Variants in PTPRD observed in about 807,000 individuals in gnomAD.
The protein encoded by PTPRD is protein tyrosine phosphatase receptor type D.
Under a neutral mutation model 214.5 loss-of-function variants are expected in PTPRD, and 34 were observed. The observed-to-expected ratio is 0.16, with a 90% CI of 0.12 to 0.21. The LOEUF (loss-of-function observed/expected upper bound fraction) is 0.21. Among genes scored for constraint, PTPRD ranks in the 10% least tolerant of loss-of-function variants. PTPRD has a pLI of 1.00. For synonymous variants in PTPRD, 1,128 were observed against 845.7 expected (o/e 1.33, Z -5.79); for missense variants, 2,545 against 2,398.7 (o/e 1.06, Z -1.27).
chr9:9,385,796 C>G (rs2063690416), intron 9 of PTPRD, among the ~76,000 whole-genome samples: 1 of 152,130 alleles, frequency 6.6e-6, no homozygotes, highest in Non-Finnish European at 1.5e-5. Context: ...ATTCCGCTTT[C>G]CATTTGAAGA....
chr9:9,873,948 T>C (rs1298536320), intron 5 of PTPRD, among the ~76,000 whole-genome samples: 5 of 152,144 alleles, frequency 3.3e-5, no homozygotes, highest in African/African-American at 1.2e-4. Context: ...TAATAGTGTA[T>C]ATTATTATAT....
At chr9:8,573,354 G>T (rs543276397) in intron 14 of PTPRD, among the ~76,000 whole-genome samples, 1 of 151,992 alleles carries the variant, frequency 6.6e-6, no homozygotes, top group African/African-American at 2.4e-5. Flanking sequence ...GAAAAGATAG[G>T]CAAAGTAGTT....
intron 39 of PTPRD, among the ~76,000 whole-genome samples, chr9:8,367,166 T>G (rs2134168798): frequency 6.6e-6 from 1 of 152,322 alleles, no homozygotes; most frequent in South Asian, 2.1e-4. Flanking sequence ...AGGTTATAAT[T>G]AAAGTAAGTC....
chr9:8,974,857 G>C (rs983413953), intron 11 of PTPRD, among the ~76,000 whole-genome samples: 1 of 151,986 alleles, frequency 6.6e-6, no homozygotes, highest in Non-Finnish European at 1.5e-5. Flanking sequence ...AGCACTTTGG[G>C]AGGCTGAGGC....
At chr9:9,718,679 T>C (rs1402102713) in intron 7 of PTPRD, among the ~76,000 whole-genome samples, 1 of 152,172 alleles carries the variant, frequency 6.6e-6, no homozygotes, top group Non-Finnish European at 1.5e-5. Context: ...CATGTCCCAA[T>C]AGCTAAGCCC....
At chr9:10,122,086 T>A (rs1193214353) in intron 3 of PTPRD, among the ~76,000 whole-genome samples, 1 of 152,172 alleles carries the variant, frequency 6.6e-6, no homozygotes, top group East Asian at 1.9e-4. Flanking sequence ...GGCAGGTGGA[T>A]CACCTGAGGT....
chr9:8,381,926 G>A (rs7030727), intron 37 of PTPRD, among the ~76,000 whole-genome samples: 35,341 of 151,990 alleles, frequency 0.23, 6,601 homozygotes, highest in East Asian at 0.49. Context: ...CCTCTTTCTC[G>A]TGGCCAAGTA....
At chr9:10,093,403 T>C (rs72694844) in intron 3 of PTPRD, among the ~76,000 whole-genome samples, 1 of 151,360 alleles carries the variant, frequency 6.6e-6, no homozygotes, top group Non-Finnish European at 1.5e-5. Flanking sequence ...GACAGTTTCT[T>C]ATACTACCAG....
chr9:9,637,605 C>G (rs973978914), intron 7 of PTPRD, among the ~76,000 whole-genome samples: 1 of 152,192 alleles, frequency 6.6e-6, no homozygotes, highest in African/African-American at 2.4e-5. Context: ...TATGGCTTTT[C>G]TGGGTGCAGA....
At chr9:10,392,774 TC>T (rs1291778906) in intron 2 of PTPRD, among the ~76,000 whole-genome samples, 1 of 151,840 alleles carries the variant, frequency 6.6e-6, no homozygotes, top group East Asian at 1.9e-4. Context: ...GGAGGACCAT[TC>T]GGATGGAAGG....
At position 8,977,752 on chromosome 9, in the gene PTPRD, G is replaced by T. The variant is rs559345723; in HGVS notation, c.-104+40945C>A. Among the ~76,000 whole-genome samples, 57 of 150,958 alleles carry T rather than the reference G, an allele frequency of 3.8e-4. 1 individual carries two copies. The highest frequency in any genetic ancestry group is 1.3e-3 in the African/African-American group (53 of 41,106). On this transcript the variant is annotated intron_variant, in intron 11 of 45. Transcript: ENST00000381196. ...ACAACTTAGAGATAGAAAGTGAGGT[G>T]CCAAGGGCATATCTTGGAAGGAGAC... is the stretch of plus-strand genomic sequence containing the variant.
chr9:8,827,277 G>A (rs868768246), intron 11 of PTPRD, among the ~76,000 whole-genome samples: 5 of 150,924 alleles, frequency 3.3e-5, no homozygotes, highest in East Asian at 1.9e-4. Flanking sequence ...AAATAGATAC[G>A]TGACTCAACC....
intron 11 of PTPRD, among the ~76,000 whole-genome samples, chr9:8,912,673 C>G (rs552887328): frequency 1.3e-5 from 2 of 151,918 alleles, no homozygotes. Context: ...AAAGGTTTTA[C>G]TAAAAATAAA....
intron 20 of PTPRD, among the ~76,000 whole-genome samples, chr9:8,519,583 A>G (rs1430744085): frequency 1.3e-5 from 2 of 152,174 alleles, no homozygotes; most frequent in South Asian, 2.1e-4. Flanking sequence ...CAAGAGCAGC[A>G]AACTTGTACT....
intron 2 of PTPRD, among the ~76,000 whole-genome samples, chr9:10,560,450 C>T (rs1311943585): frequency 1.3e-5 from 2 of 151,994 alleles, no homozygotes; most frequent in South Asian, 4.2e-4. Context: ...GGAGATATAC[C>T]TAATGCTAGA....
intron 11 of PTPRD, among the ~76,000 whole-genome samples, chr9:8,744,026 T>C (rs996592515): frequency 5.3e-5 from 8 of 151,346 alleles, no homozygotes; most frequent in Admixed American, 6.6e-5. Context: ...AACAAGCATA[T>C]GGAAAAACGC....
chr9:8,632,604 G>A (rs922862973), intron 14 of PTPRD, among the ~76,000 whole-genome samples: 8 of 151,904 alleles, frequency 5.3e-5, no homozygotes, highest in African/African-American at 1.7e-4. Context: ...GCCTGAATTA[G>A]AGACATACAA....
At chr9:8,700,063 A>T (rs2098038094) in intron 12 of PTPRD, among the ~76,000 whole-genome samples, 1 of 152,200 alleles carries the variant, frequency 6.6e-6, no homozygotes, top group Non-Finnish European at 1.5e-5. Flanking sequence ...TACAACTGCC[A>T]GTAATCAATG....
chr9:8,427,158 G>C (rs1052137794), intron 35 of PTPRD, among the ~76,000 whole-genome samples: 6 of 152,180 alleles, frequency 3.9e-5, no homozygotes, highest in African/African-American at 9.7e-5. Flanking sequence ...TATAAAAGCG[G>C]CTCAGGGACT....
Sources: gnomAD v4.1 joint callset for allele counts (sites outside exome capture counted in the v4.1 genomes callset) on GRCh38, gnomAD v4.1.1 for gene constraint, MANE v1.5 for transcripts, NCBI Gene and HGNC (gene_info 2026-07-23, HGNC 2026-07-21) for gene names.